AKT3: variants seen among roughly 807,000 people sequenced by gnomAD.
AKT3 encodes the protein AKT serine/threonine kinase 3.
Under a neutral mutation model 65.3 loss-of-function variants are expected in AKT3, and 15 were observed. That is an observed-to-expected ratio of 0.23 (90% CI 0.15 to 0.35). The LOEUF (loss-of-function observed/expected upper bound fraction) is 0.35, where lower values mean the gene tolerates loss of function less well. Ranked by LOEUF, AKT3 falls within the 10% of genes least tolerant of loss-of-function variation. The probability of loss-of-function intolerance (pLI) is 1.00; values close to 1 mark genes in which losing one functional copy is unlikely to be tolerated. For synonymous variants in AKT3, 206 were observed against 183.8 expected, an observed-to-expected ratio of 1.12 and a Z score of -0.98; for missense variants, 243 against 576.5, an observed-to-expected ratio of 0.42 and a Z score of 5.92.
chr1:243,830,634 T>A (rs895065495), intron 2 of AKT3, among the ~76,000 whole-genome samples: 2 of 152,130 alleles, frequency 1.3e-5, no homozygotes, highest in Non-Finnish European at 2.9e-5. Context: ...GCCCACAATA[T>A]CTAAGATAAG....
chr1:243,786,364 C>T (rs1467789450), intron 2 of AKT3, among the ~76,000 whole-genome samples: 1 of 152,134 alleles, frequency 6.6e-6, no homozygotes, highest in African/African-American at 2.4e-5. Context: ...ATTTCTCAAC[C>T]TACAAGTTTG....
intron 4 of AKT3, among the ~76,000 whole-genome samples, chr1:243,654,123 C>G (rs901264476): frequency 1.3e-5 from 2 of 151,968 alleles, no homozygotes; most frequent in African/African-American, 4.8e-5. Context: ...GCCTGGTAGC[C>G]ATCATACTCT....
At chr1:243,514,643 T>C (rs768504267) in intron 12 of AKT3, among the ~76,000 whole-genome samples, 3 of 152,166 alleles carry the variant, frequency 2.0e-5, no homozygotes, top group Non-Finnish European at 4.4e-5. Flanking sequence ...GTAATTAACA[T>C]ACACTAAACA....
chr1:243,832,244 G>T (rs1443572771), intron 2 of AKT3, among the ~76,000 whole-genome samples: 1 of 145,170 alleles, frequency 6.9e-6, no homozygotes, highest in Non-Finnish European at 1.5e-5. Context: ...CTAGATAAGT[G>T]ATTCAAACTC....
intron 9 of AKT3, among the ~76,000 whole-genome samples, chr1:243,570,018 C>T (rs888943733): frequency 3.3e-5 from 5 of 152,200 alleles, no homozygotes; most frequent in East Asian, 1.9e-4. Context: ...AAAAATAAAA[C>T]TTCATTACAT....
rs888612324 is a variant in AKT3 at position 243,504,580 on chromosome 1, C to G, written c.*669G>C. The G allele has an allele frequency of 1.6e-5, 3 of 183,844 alleles. No homozygotes were observed. Among genetic ancestry groups the G allele is most frequent in the African/African-American group, 7.1e-5 (3 of 42,298 alleles). The allele number at this position is 183,844 out of a possible 1,614,324, so 11.4% of individuals were successfully genotyped here. On this transcript the variant is annotated 3_prime_UTR_variant, in exon 14 of 14. Transcript: ENST00000673466. ...ATGATTGCCCGTGAAGTCTCGACATCCACATGTGATATGGGCTTCTTCTAC... is the reference window on the plus strand; with the variant it reads ...ATGATTGCCCGTGAAGTCTCGACATGCACATGTGATATGGGCTTCTTCTAC...
intron 2 of AKT3, among the ~76,000 whole-genome samples, chr1:243,702,389 T>A (rs181484055): frequency 1.7e-3 from 261 of 152,314 alleles, no homozygotes; most frequent in Non-Finnish European, 3.0e-3. Flanking sequence ...AATCACATCA[T>A]TTATTAGATG....
chr1:243,535,185 A>ATATTTAAAATTTTAAAATT (rs74162292), intron 12 of AKT3, among the ~76,000 whole-genome samples: 205 of 139,100 alleles, frequency 1.5e-3, no homozygotes, highest in African/African-American at 5.2e-3. Flanking sequence ...ATTTTAAAAT[A>ATATTTAAAATTTTAAAATT]ATTTTAAAAT....
At chr1:243,650,189 T>C (rs1681197145) in intron 4 of AKT3, among the ~76,000 whole-genome samples, 1 of 152,244 alleles carries the variant, frequency 6.6e-6, no homozygotes, top group Non-Finnish European at 1.5e-5. Flanking sequence ...TTTCATACAT[T>C]TGTTGGCTGC....
chr1:243,711,647 C>T (rs1234613226), intron 2 of AKT3, among the ~76,000 whole-genome samples: 1 of 152,168 alleles, frequency 6.6e-6, no homozygotes, highest in East Asian at 1.9e-4. Context: ...AATAAAAATA[C>T]TAACAGCTAC....
intron 2 of AKT3, among the ~76,000 whole-genome samples, chr1:243,841,159 A>T (rs1695216736): frequency 7.2e-6 from 1 of 138,152 alleles, no homozygotes. Context: ...TTATTAGAAA[A>T]ATGATGGCAA....
chr1:243,655,848 T>C (rs1284411429), intron 4 of AKT3, among the ~76,000 whole-genome samples: 1 of 152,096 alleles, frequency 6.6e-6, no homozygotes, highest in East Asian at 1.9e-4. Flanking sequence ...CCATCTCCAA[T>C]ACCACTTCAA....
intron 2 of AKT3, among the ~76,000 whole-genome samples, chr1:243,705,578 G>A (rs1057178028): frequency 2.0e-5 from 3 of 152,120 alleles, no homozygotes; most frequent in Non-Finnish European, 4.4e-5. Flanking sequence ...TAGAGTTACA[G>A]TACCCAGTTT....
At chr1:243,539,687 A>G (rs1394266052) in intron 12 of AKT3, among the ~76,000 whole-genome samples, 1 of 152,246 alleles carries the variant, frequency 6.6e-6, no homozygotes, top group Non-Finnish European at 1.5e-5. Flanking sequence ...TAACAGAAAG[A>G]TATCTGAAAA....
At chr1:243,562,931 T>C (rs982570134) in intron 10 of AKT3, among the ~76,000 whole-genome samples, 18 of 152,202 alleles carry the variant, frequency 1.2e-4, no homozygotes, top group African/African-American at 4.3e-4. Context: ...CACTGCTAAG[T>C]ATTAGGGTGG....
intron 2 of AKT3, among the ~76,000 whole-genome samples, chr1:243,765,310 T>C (rs1348142445): frequency 6.6e-6 from 1 of 152,016 alleles, no homozygotes; most frequent in Non-Finnish European, 1.5e-5. Context: ...TTCATAAATA[T>C]CTTCCTTACC....
chr1:243,760,971 G>C (rs1001107054), intron 2 of AKT3, among the ~76,000 whole-genome samples: 1 of 152,202 alleles, frequency 6.6e-6, no homozygotes, highest in African/African-American at 2.4e-5. Flanking sequence ...TAATTGATCA[G>C]CTGATGAAGA....
intron 8 of AKT3, among the ~76,000 whole-genome samples, chr1:243,586,816 A>G (rs1574658699): frequency 6.6e-6 from 1 of 152,148 alleles, no homozygotes; most frequent in Admixed American, 6.5e-5. Context: ...GCCAAACCTC[A>G]GCATCATGGC....
intron 2 of AKT3, among the ~76,000 whole-genome samples, chr1:243,800,947 G>A (rs1272602212): frequency 9.9e-5 from 15 of 152,116 alleles, no homozygotes; most frequent in Admixed American, 7.2e-4. Flanking sequence ...TTCTGAAAGT[G>A]GGTTCAGTAG....
Sources: gnomAD v4.1 joint callset for allele counts (sites outside exome capture counted in the v4.1 genomes callset) on GRCh38, gnomAD v4.1.1 for gene constraint, MANE v1.5 for transcripts, NCBI Gene and HGNC (gene_info 2026-07-23, HGNC 2026-07-21) for gene names.